Variants in RFFL observed in about 807,000 individuals in gnomAD.
RFFL encodes the protein E3 ubiquitin-protein ligase rififylin.
In RFFL, 16 loss-of-function variants were observed where a neutral mutation model predicts 40.4. The observed-to-expected ratio is 0.40, with a 90% CI of 0.27 to 0.60. The LOEUF is 0.60. Ranked by LOEUF, RFFL falls within the 20% of genes least tolerant of loss-of-function variation. RFFL has a pLI of 0.47. For synonymous variants in RFFL, 154 were observed against 167.9 expected (o/e 0.92, Z 0.64); for missense variants, 367 against 451.7 (o/e 0.81, Z 1.70).
At chr17:35,055,183 G>A (rs1252934710) in intron 1 of RFFL, among the ~76,000 whole-genome samples, 3 of 151,902 alleles carry the variant, frequency 2.0e-5, no homozygotes, top group Non-Finnish European at 4.4e-5. Flanking sequence ...CTCCCAAAGT[G>A]CTGGGATTAC....
At chr17:35,080,419 T>TA (rs1175694201) in intron 1 of RFFL, among the ~76,000 whole-genome samples, 1 of 152,128 alleles carries the variant, frequency 6.6e-6, no homozygotes, top group Admixed American at 6.5e-5. Flanking sequence ...TATTTTAGGA[T>TA]AAAATACGTT....
intron 6 of RFFL, 143 bp from the exon 7 acceptor site, chr17:35,012,292 G>C: frequency 1.5e-6 from 1 of 657,658 alleles, no homozygotes; most frequent in Non-Finnish European, 2.5e-6. Flanking sequence ...CCCTCAAATA[G>C]AGCTCCTCCG....
At chr17:35,020,302 G>T (rs759899433) in intron 3 of RFFL, among the ~76,000 whole-genome samples, 2 of 151,974 alleles carry the variant, frequency 1.3e-5, no homozygotes, top group African/African-American at 2.4e-5. Flanking sequence ...TCCATGGCTT[G>T]TTGGGAACCC....
chr17:35,015,574 C>A (rs2142315216), intron 5 of RFFL, among the ~76,000 whole-genome samples: 1 of 152,308 alleles, frequency 6.6e-6, no homozygotes, highest in Admixed American at 6.5e-5. Flanking sequence ...ACCCCTAACA[C>A]TGATGAATTT....
rs193197608 is a variant in RFFL, at chr17:35,015,947, A to G, written c.886+423T>C. 1.6e-4 allele frequency among the ~76,000 whole-genome samples: 25 copies of G among 152,348 alleles called. No individual in the cohort carries two copies. In the East Asian group the frequency reaches 2.9e-3, roughly 18 times the overall value. The stretch of plus-strand genomic sequence containing the variant: ...GAGCCCAAGTGCAGATGGAACAGCT[A>G]TCTTCTCCTGCCATGTATGTAGATT... On this transcript the variant is annotated intron_variant, in intron 5 of 6. Coordinates refer to ENST00000394597, the MANE Select transcript of RFFL (RefSeq NM_001017368.2).
At chr17:35,069,135 C>A (rs1407197144) in intron 1 of RFFL, among the ~76,000 whole-genome samples, 3 of 152,174 alleles carry the variant, frequency 2.0e-5, no homozygotes, top group Non-Finnish European at 4.4e-5. Context: ...TGCCTGAATT[C>A]ATCATTCTTC....
chr17:35,040,638 T>G (rs924166977), intron 1 of RFFL, among the ~76,000 whole-genome samples: 2 of 151,436 alleles, frequency 1.3e-5, no homozygotes, highest in African/African-American at 4.9e-5. Flanking sequence ...TAAAAAATAC[T>G]TTTCTTAAAT....
chr17:35,069,155 T>C, intron 1 of RFFL: 1 of 423,706 alleles, frequency 2.4e-6, no homozygotes, highest in South Asian at 1.7e-5. Flanking sequence ...CTTTTCTGTA[T>C]ACCTCTGAAT....
At chr17:35,055,775 A>C (rs1042829631) in intron 1 of RFFL, among the ~76,000 whole-genome samples, 1 of 151,992 alleles carries the variant, frequency 6.6e-6, no homozygotes, top group Non-Finnish European at 1.5e-5. Context: ...GATACTGACC[A>C]TTTGCATCCC....
At chr17:35,060,342 C>T (rs2091284046) in intron 1 of RFFL, among the ~76,000 whole-genome samples, 1 of 152,192 alleles carries the variant, frequency 6.6e-6, no homozygotes, top group African/African-American at 2.4e-5. Flanking sequence ...AGACCGTTAG[C>T]ACTTGCCTAT....
Position 35,016,404 on chromosome 17 carries a change from C to T in RFFL, c.852G>A (p.Arg284=). 6.2e-7 allele frequency: 1 copy of T among 1,614,168 alleles called. No individual in the cohort carries two copies. The highest frequency in any genetic ancestry group is 8.5e-7 in the Non-Finnish European group (1 of 1,180,012). The change falls in exon 5 of 7, where the codon CGG becomes CGA. Residue 284 remains arginine, a synonymous_variant. Transcript: ENST00000394597. ...EKWELMERVT[R]LYKDQKGLQH... The stretch of plus-strand genomic sequence containing the variant: ...GGAGTCCTTTCTGATCCTTGTATAG[C>T]CGGGTCACTCTCTCCATCAGCTCCC...
chr17:35,058,983 G>A (rs1273715409), intron 1 of RFFL, among the ~76,000 whole-genome samples: 1 of 151,202 alleles, frequency 6.6e-6, no homozygotes, highest in African/African-American at 2.4e-5. Flanking sequence ...TTCCATTATG[G>A]CCCAGCCACC....
At chr17:35,046,005 A>G (rs2091197983) in intron 1 of RFFL, among the ~76,000 whole-genome samples, 1 of 150,310 alleles carries the variant, frequency 6.7e-6, no homozygotes, top group African/African-American at 2.5e-5. Flanking sequence ...ACCCTGGCTG[A>G]CAGAGTGAGA....
chr17:35,082,708 T>C (rs951258957), intron 1 of RFFL, among the ~76,000 whole-genome samples: 15 of 152,256 alleles, frequency 9.9e-5, no homozygotes, highest in Admixed American at 9.8e-4. Flanking sequence ...GGGACGTTTA[T>C]TGAGTTGCTT....
At chr17:35,027,589 T>C (rs1440491015) in intron 1 of RFFL, among the ~76,000 whole-genome samples, 2 of 151,766 alleles carry the variant, frequency 1.3e-5, no homozygotes, top group Non-Finnish European at 1.5e-5. Flanking sequence ...CAGGGTGTGG[T>C]GGCGCATGCC....
At chr17:35,034,631 C>A (rs567681430) in intron 1 of RFFL, among the ~76,000 whole-genome samples, 3 of 151,728 alleles carry the variant, frequency 2.0e-5, no homozygotes, top group Non-Finnish European at 4.4e-5. Context: ...CATGTTAAAG[C>A]GATTCTCCTG....
chr17:35,012,223 G>A, intron 6 of RFFL, 74 bp from the exon 7 acceptor site: 1 of 1,310,702 alleles, frequency 7.6e-7, no homozygotes, highest in African/African-American at 1.5e-5. Flanking sequence ...AGGGGTGACT[G>A]GGGGAGGGAG....
intron 1 of RFFL, among the ~76,000 whole-genome samples, chr17:35,055,255 A>G (rs1433212758): frequency 2.0e-5 from 3 of 152,038 alleles, no homozygotes; most frequent in African/African-American, 7.2e-5. Context: ...TAAATGTGTG[A>G]TTCTTTCCTA....
chr17:35,082,629 T>G (rs1353076215), intron 1 of RFFL, among the ~76,000 whole-genome samples: 1 of 152,220 alleles, frequency 6.6e-6, no homozygotes, highest in Non-Finnish European at 1.5e-5. Flanking sequence ...GAAAGAGATA[T>G]AGAGAAAGCT....
Sources: allele counts gnomAD v4.1 joint callset (sites outside exome capture counted in the v4.1 genomes callset), GRCh38; gene constraint gnomAD v4.1.1; transcripts MANE v1.5; gene names NCBI Gene and HGNC (gene_info 2026-07-23, HGNC 2026-07-21).